The following GYPB variants were observed in gnomAD, a reference collection of about 807,000 sequenced individuals.
GYPB encodes the protein glycophorin B (MNS blood group).
Under a neutral mutation model 15.3 loss-of-function variants are expected in GYPB, and 13 were observed. The observed-to-expected ratio is 0.85, with a 90% CI of 0.55 to 1.35. The LOEUF (loss-of-function observed/expected upper bound fraction) is 1.35. Among genes scored for constraint, GYPB ranks in the 40% most tolerant of loss-of-function variants. The probability of loss-of-function intolerance (pLI) is 0.00; values close to 1 mark genes in which losing one functional copy is unlikely to be tolerated. For missense variants in GYPB, 131 were observed against 108.3 expected (o/e 1.21, Z -0.93); for synonymous variants, 38 against 36.9 (o/e 1.03, Z -0.11).
chr4:144,001,105 A>T, intron 2 of GYPB, 80 bp downstream of exon 2: 1 of 1,608,942 alleles, frequency 6.2e-7, no homozygotes, highest in Non-Finnish European at 8.5e-7. Context: ...GTTTCTCTGC[A>T]GTGACAGGTC....
chr4:144,017,536 G>A (rs1428724971), intron 1 of GYPB, among the ~76,000 whole-genome samples: 1 of 150,818 alleles, frequency 6.6e-6, no homozygotes, highest in Non-Finnish European at 1.5e-5. Context: ...AGCTTTCAGG[G>A]TCATCTTGCC....
At chr4:143,996,867 A>C (rs1727341508) in intron 4 of GYPB, among the ~76,000 whole-genome samples, 1 of 129,080 alleles carries the variant, frequency 7.7e-6, no homozygotes, top group African/African-American at 3.2e-5. Context: ...AGAACATGTG[A>C]GAATTAAGAA....
chr4:144,014,511 G>T (rs1373453547), intron 1 of GYPB, among the ~76,000 whole-genome samples: 1 of 150,732 alleles, frequency 6.6e-6, no homozygotes. Context: ...CTTTATTTTA[G>T]GTGAAAGAAG....
chr4:144,005,479 GA>G (rs1373561247), intron 1 of GYPB, among the ~76,000 whole-genome samples: 1 of 151,936 alleles, frequency 6.6e-6, no homozygotes. Flanking sequence ...TCATTTTGAT[GA>G]TTTTTTTCCA....
intron 1 of GYPB, 112 bp from the exon 2 acceptor site, chr4:144,001,395 C>T: frequency 7.7e-6 from 12 of 1,561,072 alleles, no homozygotes; most frequent in Non-Finnish European, 1.1e-5. Context: ...CTGAGCTAAG[C>T]GCTTTAGTAT....
chr4:143,999,005 G>A (rs7666297), intron 3 of GYPB, among the ~76,000 whole-genome samples: 40,332 of 150,478 alleles, frequency 0.27, 6,142 homozygotes, highest in Admixed American at 0.32. Context: ...TCAGGCAATG[G>A]ATCCGATCCT....
At chr4:144,005,327 G>C (rs566660083) in intron 1 of GYPB, among the ~76,000 whole-genome samples, 1,935 of 151,876 alleles carry the variant, frequency 0.013, 130 homozygotes, top group African/African-American at 0.045. Context: ...TGGTTGAGAT[G>C]TTGTCAGCAA....
chr4:143,995,262 T>C (rs1276342227), downstream of GYPB, among the ~76,000 whole-genome samples: 1 of 151,502 alleles, frequency 6.6e-6, no homozygotes, highest in African/African-American at 2.5e-5. Context: ...AGCAGTCACC[T>C]GGAGAGGTAA....
At chr4:144,009,601 C>CTTT (rs55807150) in intron 1 of GYPB, among the ~76,000 whole-genome samples, 7 of 57,802 alleles carry the variant, frequency 1.2e-4, no homozygotes, top group African/African-American at 5.7e-4. Flanking sequence ...TTTTTTCTTT[C>CTTT]TTTTTTTTTT....
intron 1 of GYPB, chr4:144,012,650 C>T (rs1465837951): frequency 1.3e-5 from 2 of 151,420 alleles, no homozygotes. Flanking sequence ...AATTGAGACT[C>T]CAGAAATAAA....
chr4:144,003,832 G>A (rs1200990376), intron 1 of GYPB, among the ~76,000 whole-genome samples: 4 of 151,268 alleles, frequency 2.6e-5, no homozygotes, highest in African/African-American at 9.9e-5. Context: ...TTACAAAGCT[G>A]GACTCAGACC....
At chr4:144,011,682 T>C (rs1728229693) in intron 1 of GYPB, among the ~76,000 whole-genome samples, 1 of 151,306 alleles carries the variant, frequency 6.6e-6, no homozygotes, top group South Asian at 2.1e-4. Flanking sequence ...ATCTGAAATA[T>C]ATCTGCTTGC....
intron 1 of GYPB, among the ~76,000 whole-genome samples, chr4:144,018,220 C>T (rs1359662001): frequency 2.0e-5 from 3 of 151,268 alleles, no homozygotes; most frequent in Non-Finnish European, 4.4e-5. Context: ...AAGACGAGGA[C>T]ACATAAAAAT....
At chr4:144,016,549 T>C (rs150756200) in intron 1 of GYPB, among the ~76,000 whole-genome samples, 2,550 of 151,220 alleles carry the variant, frequency 0.017, 43 homozygotes, top group Non-Finnish European at 0.027. Flanking sequence ...TGGGAATACA[T>C]GGATGAATAA....
intron 1 of GYPB, among the ~76,000 whole-genome samples, chr4:144,005,204 G>C (rs1727842837): frequency 6.6e-6 from 1 of 151,934 alleles, no homozygotes; most frequent in Admixed American, 6.5e-5. Context: ...ATAGACATTT[G>C]GTCTCATAAA....
intron 1 of GYPB, among the ~76,000 whole-genome samples, chr4:144,013,373 G>A (rs1336780071): frequency 2.0e-5 from 3 of 151,182 alleles, no homozygotes; most frequent in Non-Finnish European, 1.5e-5. Flanking sequence ...ATTCCTTAGG[G>A]ATCTAGAACT....
chr4:144,008,480 A>G (rs17018966), intron 1 of GYPB: 2 of 455,114 alleles, frequency 4.4e-6, no homozygotes, highest in South Asian at 3.1e-5. Context: ...TACGGAAGAG[A>G]AGATGGTTCT....
intron 2 of GYPB, 41 bp downstream of exon 2, chr4:144,001,144 C>A (rs190397503): frequency 1.2e-6 from 2 of 1,611,296 alleles, no homozygotes; most frequent in Non-Finnish European, 1.7e-6. Flanking sequence ...TCACAAAAAT[C>A]ATTTCGGAGC....
chr4:144,005,482 T>A (rs1453598308), intron 1 of GYPB, among the ~76,000 whole-genome samples: 1 of 151,938 alleles, frequency 6.6e-6, no homozygotes, highest in South Asian at 2.1e-4. Flanking sequence ...TTTTGATGAT[T>A]TTTTTCCACA....
Sources: gnomAD v4.1 joint callset for allele counts (sites outside exome capture counted in the v4.1 genomes callset) on GRCh38, gnomAD v4.1.1 for gene constraint, MANE v1.5 for transcripts, NCBI Gene and HGNC (gene_info 2026-07-23, HGNC 2026-07-21) for gene names.